RAB3IP: variants seen among roughly 807,000 people sequenced by gnomAD.
RAB3IP encodes the protein rab-3A-interacting protein.
RAB3IP carries 36 observed loss-of-function variants against 59.1 expected under a neutral mutation model. That is an observed-to-expected ratio of 0.61 (90% CI 0.47 to 0.80). The LOEUF is 0.80. Ranked by LOEUF, RAB3IP falls within the 30% of genes least tolerant of loss-of-function variation. RAB3IP has a pLI of 0.00. For missense variants in RAB3IP, 511 were observed against 536.0 expected, an observed-to-expected ratio of 0.95 and a Z score of 0.46; for synonymous variants, 207 against 191.2, an observed-to-expected ratio of 1.08 and a Z score of -0.68.
intron 8 of RAB3IP, among the ~76,000 whole-genome samples, chr12:69,810,273 G>A (rs1880209036): frequency 6.6e-6 from 1 of 152,192 alleles, no homozygotes; most frequent in Non-Finnish European, 1.5e-5. Context: ...TGTCTCAGAG[G>A]AGTACCCGGC....
At chr12:69,808,505 T>A (rs934037911) in intron 8 of RAB3IP, among the ~76,000 whole-genome samples, 1 of 152,222 alleles carries the variant, frequency 6.6e-6, no homozygotes, top group African/African-American at 2.4e-5. Flanking sequence ...CAGTGGGGTG[T>A]TAAAGTCTCC....
chr12:69,805,942 A>G (rs1449405205), intron 8 of RAB3IP, among the ~76,000 whole-genome samples: 2 of 152,110 alleles, frequency 1.3e-5, no homozygotes, highest in Non-Finnish European at 2.9e-5. Context: ...CATCAAGGAT[A>G]TTGGTCTAAA....
At position 69,815,332 on chromosome 12, in the gene RAB3IP, G is replaced by T. The variant is rs780426991; in HGVS notation, c.1301-32G>T. 2.1e-6 allele frequency: 3 copies of T among 1,441,694 alleles called. No homozygotes were observed. The South Asian group carries it at 3.5e-5, about 17-fold the overall frequency. The allele number at this position is 1,441,694 out of a possible 1,614,324, so 89.3% of individuals were successfully genotyped here. On this transcript the variant is annotated intron_variant, in intron 10 of 10. Coordinates refer to ENST00000247833, the MANE Select transcript of RAB3IP (RefSeq NM_022456.5). ...AAAAATAATGAAGATGGTATTTTAT[G>T]ATTTAAATATCTCTCTTTTCTGTTT... is the stretch of plus-strand genomic sequence containing the variant.
At chr12:69,788,820 A>C (rs939816667) in intron 4 of RAB3IP, among the ~76,000 whole-genome samples, 1 of 152,128 alleles carries the variant, frequency 6.6e-6, no homozygotes, top group African/African-American at 2.4e-5. Context: ...AACAAGTCTC[A>C]GATTTAAGAA....
At position 69,756,420 on chromosome 12, in the gene RAB3IP, C is replaced by T; in HGVS notation, c.267C>T (p.Asp89=). 1 of 1,613,950 alleles carries T rather than the reference C, an allele frequency of 6.2e-7. No individual in the cohort carries two copies. Among genetic ancestry groups the T allele is most frequent in the South Asian group, 1.1e-5 (1 of 91,032 alleles). The change falls in exon 3 of 11, where the codon GAC becomes GAT. Residue 89 remains aspartate, a synonymous_variant. Transcript: ENST00000247833. ...TCCTTTACAGCTTTCATGTTACAGACCCAGCCCCTTGCTCTACCTCTGGAG... is the reference window on the plus strand; with the variant it reads ...TCCTTTACAGCTTTCATGTTACAGATCCAGCCCCTTGCTCTACCTCTGGAG... ...EISSISFHVT[D]PAPCSTSGVT... is the part of the protein sequence containing the mutation.
intron 6 of RAB3IP, among the ~76,000 whole-genome samples, chr12:69,797,672 C>T (rs969548961): frequency 6.6e-6 from 1 of 151,752 alleles, no homozygotes; most frequent in Admixed American, 6.6e-5. Context: ...ATCCCTACCC[C>T]ATCCCCCCAC....
chr12:69,820,992 A>T lies in RAB3IP; in HGVS notation c.*5546A>T, dbSNP rs1286898287. 6.6e-6 allele frequency: 1 copy of T among 152,188 alleles called. No homozygotes were observed. The highest frequency in any genetic ancestry group is 1.9e-4 in the East Asian group (1 of 5,204). The allele number at this position is 152,188 out of a possible 1,614,324, so 9.4% of individuals were successfully genotyped here. On this transcript the variant is annotated 3_prime_UTR_variant, in exon 11 of 11. Transcript: ENST00000247833. Reference sequence around the variant, plus strand: ...AAAACTTAAAAAAAAAATGTAGAAGAGGACTAAACTTGATAAAATATTAAA... The same window carrying T: ...AAAACTTAAAAAAAAAATGTAGAAGTGGACTAAACTTGATAAAATATTAAA...
At chr12:69,814,526 G>T (rs1268340459) in intron 10 of RAB3IP, among the ~76,000 whole-genome samples, 1 of 151,916 alleles carries the variant, frequency 6.6e-6, no homozygotes, top group Non-Finnish European at 1.5e-5. Context: ...TTGTTGTGGG[G>T]GACGGTCTTG....
At chr12:69,800,469 G>C in intron 7 of RAB3IP, 132 bp downstream of exon 7, 1 of 572,888 alleles carries the variant, frequency 1.7e-6, no homozygotes, top group Non-Finnish European at 2.8e-6. Context: ...TGCTATTTTT[G>C]CCATTCCGTA....
intron 8 of RAB3IP, among the ~76,000 whole-genome samples, chr12:69,807,838 C>T (rs527843065): frequency 3.1e-4 from 44 of 143,162 alleles, no homozygotes; most frequent in African/African-American, 1.0e-3. Flanking sequence ...ACGGGGCGGC[C>T]GTGCGGAGGC....
chr12:69,812,786 C>T lies in RAB3IP; in HGVS notation c.1139C>T (p.Ala380Val). The change falls in exon 9 of 11, where the codon GCT (alanine) becomes GTT (valine). Residue 380 changes from alanine (A) to valine (V), a missense_variant. Transcript: ENST00000247833. ...AVECGGPKKC[A>V]LTGQSKSCKH... ...TTATCATTATTTCACAGAAAATGTG[C>T]TCTCACTGGCCAGAGTAAGTCCTGT... 1.3e-6 allele frequency: 2 copies of T among 1,599,136 alleles called. No individual in the cohort carries two copies. The highest frequency in any genetic ancestry group is 1.7e-6 in the Non-Finnish European group (2 of 1,172,854).
chr12:69,800,108 G>C (rs1037753685), intron 6 of RAB3IP, 101 bp from the exon 7 acceptor site: 1 of 879,076 alleles, frequency 1.1e-6, no homozygotes, highest in Non-Finnish European at 1.6e-6. Flanking sequence ...TAAATGAAGA[G>C]CTTTTTTTCA....
intron 1 of RAB3IP, among the ~76,000 whole-genome samples, chr12:69,750,575 G>GA (rs1869108434): frequency 7.3e-6 from 1 of 136,448 alleles, no homozygotes; most frequent in Admixed American, 7.5e-5. Flanking sequence ...CAGTTTATTG[G>GA]AAAAACCAAG....
intron 4 of RAB3IP, among the ~76,000 whole-genome samples, chr12:69,786,332 T>C (rs1467717505): frequency 1.3e-5 from 2 of 152,198 alleles, no homozygotes; most frequent in Non-Finnish European, 2.9e-5. Context: ...CCTTCTCTGC[T>C]CCATACCCCT....
At position 69,756,583 on chromosome 12, in the gene RAB3IP, C is replaced by T. The variant is rs375092922; in HGVS notation, c.430C>T (p.Arg144Cys). The T allele has an allele frequency of 1.8e-5, 29 of 1,613,862 alleles. No individual in the cohort carries two copies. The highest frequency in any genetic ancestry group is 1.6e-4 in the Middle Eastern group (1 of 6,084). ...IFGLSTDSLS[R>C]LRSPSVLEVR... ...TGGGTTGAGTACTGATAGTCTGTCT[C>T]GTTTACGAAGCCCATCTGTTTTGGA... Residue 144 changes from arginine to cysteine, a missense_variant, in exon 3 of 11, where the codon CGT (arginine) becomes TGT (cysteine). Physicochemically the swap from Arg to Cys is radical, Grantham distance 180 (BLOSUM62 -3). Transcript: ENST00000247833.
intron 8 of RAB3IP, among the ~76,000 whole-genome samples, chr12:69,811,331 C>T (rs540635346): frequency 1.4e-4 from 22 of 152,148 alleles, no homozygotes; most frequent in African/African-American, 3.6e-4. Context: ...ACAACAAACC[C>T]GCATGACACA....
At position 69,816,697 on chromosome 12, in the gene RAB3IP, A is replaced by G. The variant is rs1261738616; in HGVS notation, c.*1251A>G. The G allele has an allele frequency of 1.3e-5, 2 of 152,180 alleles. No individual in the cohort carries two copies. The highest frequency in any genetic ancestry group is 2.9e-5 in the Non-Finnish European group (2 of 68,046). 9.4% of individuals were successfully genotyped at this position (152,180 alleles called of 1,614,324 possible). ...GAGATAAAATTGTGTCGAGATATAT[A>G]TGTATTTTTAAATGTTTGATCTGCA... is the stretch of plus-strand genomic sequence containing the variant. On this transcript the variant is annotated 3_prime_UTR_variant, in exon 11 of 11. Transcript: ENST00000247833.
At chr12:69,786,046 G>A (rs549135102) in intron 4 of RAB3IP, among the ~76,000 whole-genome samples, 19 of 151,956 alleles carry the variant, frequency 1.3e-4, no homozygotes, top group Non-Finnish European at 2.2e-4. Flanking sequence ...CTAAAGATTT[G>A]TTCTTAAAAC....
intron 3 of RAB3IP, among the ~76,000 whole-genome samples, chr12:69,782,814 G>GTT (rs1281298723): frequency 4.1e-4 from 60 of 148,126 alleles, no homozygotes; most frequent in African/African-American, 1.3e-3. Flanking sequence ...TTTTTGTTTT[G>GTT]TTTTTTTTTG....
Sources: gnomAD v4.1 joint callset for allele counts (sites outside exome capture counted in the v4.1 genomes callset) on GRCh38, gnomAD v4.1.1 for gene constraint, MANE v1.5 for transcripts, NCBI Gene and HGNC (gene_info 2026-07-23, HGNC 2026-07-21) for gene names.